Variants in B3GALT1 observed in about 807,000 individuals in gnomAD.
B3GALT1 encodes the protein beta-1,3-galactosyltransferase 1, also known as UDP-Gal:betaGlcNAc beta 1,3-galactosyltransferase, polypeptide 1.
In B3GALT1, 10 loss-of-function variants were observed where a neutral mutation model predicts 23.2. That is an observed-to-expected ratio of 0.43 (90% CI 0.27 to 0.73). The LOEUF (loss-of-function observed/expected upper bound fraction) is 0.73. B3GALT1 is among the 30% of genes least tolerant of loss of function. B3GALT1 has a pLI of 0.21. For synonymous variants in B3GALT1, 156 were observed against 141.5 expected (o/e 1.10, Z -0.73); for missense variants, 299 against 405.4 (o/e 0.74, Z 2.25).
intron 3 of B3GALT1, among the ~76,000 whole-genome samples, chr2:167,668,838 G>A (rs1450133913): frequency 6.6e-6 from 1 of 152,046 alleles, no homozygotes; most frequent in African/African-American, 2.4e-5. Context: ...ACTGACCTGC[G>A]CCCACTGTCT....
intron 2 of B3GALT1, among the ~76,000 whole-genome samples, chr2:167,526,924 T>A (rs1319849679): frequency 6.6e-6 from 1 of 152,168 alleles, no homozygotes; most frequent in Non-Finnish European, 1.5e-5. Context: ...TATGACTACG[T>A]ATTTGAATGC....
intron 3 of B3GALT1, among the ~76,000 whole-genome samples, chr2:167,699,009 C>G (rs951603704): frequency 1.3e-5 from 2 of 152,144 alleles, no homozygotes; most frequent in Non-Finnish European, 2.9e-5. Flanking sequence ...ATAAAGAGAT[C>G]TTAAAAGAAA....
intron 3 of B3GALT1, among the ~76,000 whole-genome samples, chr2:167,704,524 C>A (rs1307682517): frequency 6.6e-6 from 1 of 151,724 alleles, no homozygotes; most frequent in African/African-American, 2.4e-5. Flanking sequence ...ACATATTATT[C>A]TCTAGCCTAC....
intron 3 of B3GALT1, among the ~76,000 whole-genome samples, chr2:167,666,024 T>C (rs553097398): frequency 6.6e-6 from 1 of 152,370 alleles, no homozygotes; most frequent in East Asian, 1.9e-4. Flanking sequence ...GTGTTTGCTC[T>C]TGCTTTTCCA....
At chr2:167,332,072 C>A (rs2105240650) in intron 1 of B3GALT1, among the ~76,000 whole-genome samples, 2 of 152,246 alleles carry the variant, frequency 1.3e-5, no homozygotes, top group South Asian at 4.1e-4. Flanking sequence ...TTGTGAGACC[C>A]AGTGTGAACT....
At chr2:167,533,850 C>T (rs1302921059) in intron 2 of B3GALT1, among the ~76,000 whole-genome samples, 2 of 152,146 alleles carry the variant, frequency 1.3e-5, no homozygotes, top group African/African-American at 4.8e-5. Flanking sequence ...TTAGTGATAG[C>T]ACTTTCAATT....
intron 1 of B3GALT1, among the ~76,000 whole-genome samples, chr2:167,446,639 T>C (rs993226912): frequency 2.0e-5 from 3 of 152,038 alleles, no homozygotes; most frequent in African/African-American, 7.2e-5. Context: ...GATACCCTTT[T>C]TCAGTTGATC....
intron 3 of B3GALT1, among the ~76,000 whole-genome samples, chr2:167,749,934 C>T (rs1234791761): frequency 6.6e-6 from 1 of 152,218 alleles, no homozygotes; most frequent in Non-Finnish European, 1.5e-5. Flanking sequence ...AATGTAAGAG[C>T]TCTGCCCTTT....
chr2:167,741,431 A>T (rs930676216), intron 3 of B3GALT1, among the ~76,000 whole-genome samples: 4 of 152,200 alleles, frequency 2.6e-5, no homozygotes, highest in Non-Finnish European at 5.9e-5. Context: ...TGGTAGGAAA[A>T]GCCAACAAGA....
At chr2:167,704,489 A>G (rs529894739) in intron 3 of B3GALT1, among the ~76,000 whole-genome samples, 1 of 152,282 alleles carries the variant, frequency 6.6e-6, no homozygotes, top group Admixed American at 6.5e-5. Flanking sequence ...ATAGTATCAT[A>G]CCATGCACAC....
chr2:167,850,113 C>G (rs1432313965), intron 4 of B3GALT1, among the ~76,000 whole-genome samples: 1 of 152,172 alleles, frequency 6.6e-6, no homozygotes, highest in Non-Finnish European at 1.5e-5. Context: ...TGACAACCCA[C>G]AGGGTGGGAG....
chr2:167,512,574 ATATATG>A (rs1309326766), intron 2 of B3GALT1, among the ~76,000 whole-genome samples: 3 of 95,032 alleles, frequency 3.2e-5, no homozygotes, highest in African/African-American at 1.3e-4. Context: ...ATATGTATAT[ATATATG>A]TATATATATA....
intron 1 of B3GALT1, among the ~76,000 whole-genome samples, chr2:167,338,735 A>C (rs1697099687): frequency 6.6e-6 from 1 of 152,130 alleles, no homozygotes; most frequent in Admixed American, 6.5e-5. Context: ...AATGGAAAAA[A>C]GTGATTAAAA....
At chr2:167,709,074 A>C (rs957052332) in intron 3 of B3GALT1, among the ~76,000 whole-genome samples, 2 of 152,204 alleles carry the variant, frequency 1.3e-5, no homozygotes, top group East Asian at 3.9e-4. Context: ...TGCCCATTTC[A>C]TGCCCTGCTG....
intron 3 of B3GALT1, among the ~76,000 whole-genome samples, chr2:167,718,424 T>C (rs1437672474): frequency 6.6e-6 from 1 of 152,228 alleles, no homozygotes; most frequent in Non-Finnish European, 1.5e-5. Flanking sequence ...TTAATAAATA[T>C]TGCTTTTGAG....
chr2:167,395,458 A>T (rs1224349941), intron 1 of B3GALT1, among the ~76,000 whole-genome samples: 2 of 152,156 alleles, frequency 1.3e-5, no homozygotes, highest in Non-Finnish European at 2.9e-5. Context: ...AAGCCAAGGA[A>T]TACAATGGCT....
At chr2:167,868,557 G>C (rs966577087) in intron 4 of B3GALT1, among the ~76,000 whole-genome samples, 1 of 150,828 alleles carries the variant, frequency 6.6e-6, no homozygotes, top group East Asian at 1.9e-4. Context: ...CTAATGTTCC[G>C]CTTACTTCAC....
rs201535636 is a variant in B3GALT1, at chr2:167,647,369, G to A, written c.-352+403G>A. Among the ~76,000 whole-genome samples, 20 of 99,530 alleles carry A rather than the reference G, an allele frequency of 2.0e-4. No homozygotes were observed. The East Asian group carries it at 5.3e-3, about 26-fold the overall frequency. 65.3% of individuals were successfully genotyped at this position (99,530 alleles called of 152,430 possible). On this transcript the variant is annotated intron_variant, in intron 3 of 4. Coordinates refer to ENST00000392690, the MANE Select transcript of B3GALT1 (RefSeq NM_020981.4). ...GGGGTATACTTCCCTCAAAGCAGCA[G>A]CTTACATGCTGTGTGGTACCCTGTA... is the stretch of plus-strand genomic sequence containing the variant.
chr2:167,398,415 A>AT (rs1698131046), intron 1 of B3GALT1, among the ~76,000 whole-genome samples: 3 of 151,408 alleles, frequency 2.0e-5, no homozygotes, highest in African/African-American at 7.3e-5. Context: ...CGTTTTCTTT[A>AT]TTTTTATCTC....
Sources: allele counts gnomAD v4.1 joint callset (sites outside exome capture counted in the v4.1 genomes callset), GRCh38; gene constraint gnomAD v4.1.1; transcripts MANE v1.5; gene names NCBI Gene and HGNC (gene_info 2026-07-23, HGNC 2026-07-21).